Variants in VKORC1L1 observed in about 807,000 individuals in gnomAD.
VKORC1L1 encodes vitamin K epoxide reductase complex subunit 1L1, also known as vitamin K epoxide reductase complex subunit 1-like protein 1.
Under a neutral mutation model 18.9 loss-of-function variants are expected in VKORC1L1, and 2 were observed. The ratio of observed to expected loss-of-function variants is 0.11; its 90% CI spans 0.04 to 0.33. VKORC1L1 has a LOEUF of 0.33. VKORC1L1 is among the 10% of genes least tolerant of loss of function. The pLI, the probability that VKORC1L1 is intolerant of heterozygous loss-of-function variation, is 1.00. For synonymous variants in VKORC1L1, 96 were observed against 100.0 expected, an observed-to-expected ratio of 0.96 and a Z score of 0.24; for missense variants, 123 against 224.1, an observed-to-expected ratio of 0.55 and a Z score of 2.88.
intron 2 of VKORC1L1, among the ~76,000 whole-genome samples, chr7:65,950,098 T>A (rs890941740): frequency 1.3e-5 from 2 of 152,182 alleles, no homozygotes; most frequent in African/African-American, 4.8e-5. Flanking sequence ...CTTTTTTTTT[T>A]AATTGTAACG....
chr7:65,892,902 G>A (rs1465433841), intron 1 of VKORC1L1, among the ~76,000 whole-genome samples: 2 of 152,194 alleles, frequency 1.3e-5, no homozygotes, highest in Non-Finnish European at 2.9e-5. Context: ...GGACTATGCA[G>A]GTTTCCTGAG....
At chr7:65,918,911 A>G (rs537209371) in intron 1 of VKORC1L1, among the ~76,000 whole-genome samples, 2 of 152,238 alleles carry the variant, frequency 1.3e-5, no homozygotes, top group South Asian at 4.1e-4. Flanking sequence ...CCTGGCCAAC[A>G]TGGTGAAACC....
chr7:65,933,801 T>G (rs1017980276), intron 1 of VKORC1L1, among the ~76,000 whole-genome samples: 1 of 152,212 alleles, frequency 6.6e-6, no homozygotes, highest in Non-Finnish European at 1.5e-5. Flanking sequence ...CTATTGACTT[T>G]TTATTTTTAT....
In VKORC1L1 at chr7:65,954,315, C is replaced by T; in HGVS notation, c.*15C>T. ...AGCAGGACTGACGCCCGACAGACTC[C>T]ACCCTAACAGTCTCAAGCCCCTTTC... On this transcript the variant is annotated 3_prime_UTR_variant, in exon 3 of 3. Coordinates refer to ENST00000360768, the MANE Select transcript of VKORC1L1 (RefSeq NM_173517.6). 1 of 1,613,876 alleles carries T rather than the reference C, an allele frequency of 6.2e-7. No homozygotes were observed. The highest frequency in any genetic ancestry group is 8.5e-7 in the Non-Finnish European group (1 of 1,180,016).
chr7:65,906,085 C>T lies in VKORC1L1; in HGVS notation c.194+32520C>T, dbSNP rs188403677. 9.9e-5 allele frequency among the ~76,000 whole-genome samples: 15 copies of T among 151,936 alleles called. No individual in the cohort carries two copies. The East Asian group carries it at 1.5e-3, about 16-fold the overall frequency. ...ATGTGAGCGTTTTGAAGACACATTC[C>T]GTATCTCCCATATTCTCTGTTGTAT... On this transcript the variant is annotated intron_variant, in intron 1 of 2. Coordinates refer to ENST00000360768, the MANE Select transcript of VKORC1L1 (RefSeq NM_173517.6).
At chr7:65,946,941 C>A (rs967428861) in intron 1 of VKORC1L1, among the ~76,000 whole-genome samples, 1 of 151,842 alleles carries the variant, frequency 6.6e-6, no homozygotes, top group Non-Finnish European at 1.5e-5. Context: ...TCAAGACCAG[C>A]CTTGGCACAT....
At position 65,873,296 on chromosome 7, in the gene VKORC1L1, C is replaced by A. The variant is rs1788760214; in HGVS notation, c.-76C>A. 2 of 1,066,368 alleles carry A rather than the reference C, an allele frequency of 1.9e-6. No homozygotes were observed. Among genetic ancestry groups the A allele is most frequent in the South Asian group, 4.1e-5 (1 of 24,358 alleles). The allele number at this position is 1,066,368 out of a possible 1,614,324, so 66.1% of individuals were successfully genotyped here. ...GCGGAGGCGGCGGTGGCGGCGGTGG[C>A]GGCTGGGTCGGGCCCCGACGGGCGG... is the stretch of plus-strand genomic sequence containing the variant. On this transcript the variant is annotated 5_prime_UTR_variant, in exon 1 of 3. Coordinates refer to ENST00000360768, the MANE Select transcript of VKORC1L1 (RefSeq NM_173517.6).
At chr7:65,882,329 A>G (rs1788942075) in intron 1 of VKORC1L1, among the ~76,000 whole-genome samples, 1 of 152,036 alleles carries the variant, frequency 6.6e-6, no homozygotes, top group African/African-American at 2.4e-5. Context: ...CAGTGAGCCA[A>G]GATCACGCCA....
At chr7:65,903,109 G>A (rs1400936221) in intron 1 of VKORC1L1, among the ~76,000 whole-genome samples, 2 of 150,830 alleles carry the variant, frequency 1.3e-5, no homozygotes, top group African/African-American at 2.4e-5. Flanking sequence ...CAGGTGATCT[G>A]CCCACCTCGG....
At chr7:65,944,720 C>T (rs899934649) in intron 1 of VKORC1L1, among the ~76,000 whole-genome samples, 3 of 151,856 alleles carry the variant, frequency 2.0e-5, no homozygotes, top group Admixed American at 2.0e-4. Context: ...AGTTCGAGAC[C>T]AGCCTGGGCA....
intron 1 of VKORC1L1, among the ~76,000 whole-genome samples, chr7:65,887,016 A>AT (rs1789026730): frequency 6.7e-6 from 1 of 148,874 alleles, no homozygotes; most frequent in South Asian, 2.1e-4. Context: ...ACCCTGGCTG[A>AT]TTTTACATGT....
At chr7:65,889,028 G>A (rs13233662) in intron 1 of VKORC1L1, among the ~76,000 whole-genome samples, 17,344 of 151,144 alleles carry the variant, frequency 0.11, 1,126 homozygotes, top group Middle Eastern at 0.2. Flanking sequence ...CTCTTGAGAC[G>A]CTCTTTCCTC....
intron 1 of VKORC1L1, among the ~76,000 whole-genome samples, chr7:65,936,781 C>G (rs1455600760): frequency 6.6e-6 from 1 of 152,222 alleles, no homozygotes; most frequent in Non-Finnish European, 1.5e-5. Context: ...CGCTGTTTCT[C>G]TTGCTAGAAA....
At chr7:65,947,439 A>G (rs1359845842) in intron 1 of VKORC1L1, among the ~76,000 whole-genome samples, 1 of 147,584 alleles carries the variant, frequency 6.8e-6, no homozygotes. Flanking sequence ...TTTAGTATTT[A>G]AGAAGCACTC....
At chr7:65,880,315 T>C (rs1048463810) in intron 1 of VKORC1L1, among the ~76,000 whole-genome samples, 1 of 152,174 alleles carries the variant, frequency 6.6e-6, no homozygotes, top group Non-Finnish European at 1.5e-5. Flanking sequence ...AGAGCACTCT[T>C]TGGAAAGGCA....
rs752251336 is a variant in VKORC1L1, at chr7:65,893,071, G to T, written c.194+19506G>T. 3.1e-4 allele frequency among the ~76,000 whole-genome samples: 47 copies of T among 152,234 alleles called. 1 individual carries two copies. Among genetic ancestry groups the T allele is most frequent in the Non-Finnish European group, 5.9e-5 (4 of 68,046 alleles). ...ATGCAGAAGCAGATAAGAGAATCCA[G>T]CTGTCTCCCATCAAGCCAAACATTA... On this transcript the variant is annotated intron_variant, in intron 1 of 2. Transcript: ENST00000360768.
In VKORC1L1 at chr7:65,873,269, C is replaced by CGGTGGT; in HGVS notation, c.-101_-100insTGGTGG. The CGGTGGT allele has an allele frequency of 3.0e-6, 3 of 985,874 alleles. No individual in the cohort carries two copies. The highest frequency in any genetic ancestry group is 3.6e-6 in the Non-Finnish European group (3 of 831,752). 61.1% of individuals were successfully genotyped at this position (985,874 alleles called of 1,614,324 possible). A position where few individuals can be genotyped will look rare whatever the true frequency, so the allele number is the denominator to read the frequency against. On this transcript the variant is annotated 5_prime_UTR_variant, in exon 1 of 3. Coordinates refer to ENST00000360768, the MANE Select transcript of VKORC1L1 (RefSeq NM_173517.6). Reference sequence around the variant, plus strand: ...GCGGCGGCGGCGGTGGTGGCGGCGGCGGCGGAGGCGGCGGTGGCGGCGGTG... The same window carrying CGGTGGT: ...GCGGCGGCGGCGGTGGTGGCGGCGGCGGTGGTGGCGGAGGCGGCGGTGGCGGCGGTG...
At chr7:65,919,676 C>G (rs1176344959) in intron 1 of VKORC1L1, among the ~76,000 whole-genome samples, 1 of 152,208 alleles carries the variant, frequency 6.6e-6, no homozygotes, top group African/African-American at 2.4e-5. Flanking sequence ...CTGCTGGGAT[C>G]ATTGCAGTAG....
intron 1 of VKORC1L1, among the ~76,000 whole-genome samples, chr7:65,909,843 G>A (rs1789473999): frequency 6.6e-6 from 1 of 151,754 alleles, no homozygotes; most frequent in Admixed American, 6.6e-5. Flanking sequence ...TCAACCTCCT[G>A]AGTAGCTGGG....
Sources: allele counts gnomAD v4.1 joint callset (sites outside exome capture counted in the v4.1 genomes callset), GRCh38; gene constraint gnomAD v4.1.1; transcripts MANE v1.5; gene names NCBI Gene and HGNC (gene_info 2026-07-23, HGNC 2026-07-21).